The following DNAL4 variants were observed in gnomAD, a reference collection of about 807,000 sequenced individuals.
DNAL4 encodes dynein light chain, outer arm 4.
A neutral mutation model predicts 12.6 loss-of-function variants in DNAL4; 10 were observed. That is an observed-to-expected ratio of 0.79 (90% CI 0.49 to 1.34). The LOEUF is 1.34. Among genes scored for constraint, DNAL4 ranks in the 40% most tolerant of loss-of-function variants. The probability of loss-of-function intolerance (pLI) is 0.00; values close to 1 mark genes in which losing one functional copy is unlikely to be tolerated. For synonymous variants in DNAL4, 46 were observed against 53.1 expected (o/e 0.87, Z 0.58); for missense variants, 128 against 138.1 (o/e 0.93, Z 0.37).
At chr22:38,788,387 G>C (rs1030084958) in intron 1 of DNAL4, among the ~76,000 whole-genome samples, 1 of 152,140 alleles carries the variant, frequency 6.6e-6, no homozygotes, top group East Asian at 1.9e-4. Context: ...TCAAACACAC[G>C]AAGTTGTTTT....
chr22:38,790,456 C>T (rs937133626), intron 1 of DNAL4, among the ~76,000 whole-genome samples: 8 of 152,156 alleles, frequency 5.3e-5, no homozygotes, highest in Non-Finnish European at 1.2e-4. Context: ...GGTGATGCCA[C>T]TGATGGGGAG....
chr22:38,791,978 T>TACA (rs1386078790), intron 1 of DNAL4, among the ~76,000 whole-genome samples: 1 of 152,134 alleles, frequency 6.6e-6, no homozygotes, highest in Non-Finnish European at 1.5e-5. Context: ...GTGCTGGCAT[T>TACA]ACAGGTGTGA....
chr22:38,783,728 C>T (rs1184719624), intron 1 of DNAL4, among the ~76,000 whole-genome samples: 1 of 152,210 alleles, frequency 6.6e-6, no homozygotes, highest in Non-Finnish European at 1.5e-5. Context: ...GACTCCTCAC[C>T]AGTAATGTGG....
At chr22:38,781,449 G>A (rs1187929830) in intron 2 of DNAL4, among the ~76,000 whole-genome samples, 1 of 152,038 alleles carries the variant, frequency 6.6e-6, no homozygotes, top group East Asian at 1.9e-4. Flanking sequence ...CCCAGCTCCT[G>A]GAGGGCCCTG....
rs1452876897 is a variant in DNAL4 at position 38,779,174 on chromosome 22, C to T, written c.*275G>A. 3.1e-6 allele frequency: 1 copy of T among 322,484 alleles called. No individual in the cohort carries two copies. The highest frequency in any genetic ancestry group is 2.1e-5 in the African/African-American group (1 of 47,620). The allele number at this position is 322,484 out of a possible 1,614,324, so 20.0% of individuals were successfully genotyped here. On this transcript the variant is annotated 3_prime_UTR_variant, in exon 4 of 4. Transcript: ENST00000216068. This position sits in a 1 kb window ranked among gnomAD's most constrained non-coding sequence, Gnocchi z 4.3. Reference sequence around the variant, plus strand: ...TGCGGAAGATCTCATCTCCCACCTCCTCTACCCTGTCACACCGCCCCACCC... The same window carrying T: ...TGCGGAAGATCTCATCTCCCACCTCTTCTACCCTGTCACACCGCCCCACCC...
intron 1 of DNAL4, among the ~76,000 whole-genome samples, chr22:38,784,009 A>G (rs979691036): frequency 1.3e-5 from 2 of 152,096 alleles, no homozygotes; most frequent in African/African-American, 4.8e-5. Flanking sequence ...AAGCGGATAC[A>G]AATCACCAGG....
At chr22:38,793,038 C>G (rs1015568160) in intron 1 of DNAL4, among the ~76,000 whole-genome samples, 1 of 152,168 alleles carries the variant, frequency 6.6e-6, no homozygotes, top group African/African-American at 2.4e-5. Flanking sequence ...TTTGACATTA[C>G]GATAGCTATG....
In DNAL4 at chr22:38,794,055, C is replaced by T. The variant is rs2093054968; in HGVS notation, c.-140+13G>A. 6.6e-6 allele frequency: 1 copy of T among 152,272 alleles called. No individual in the cohort carries two copies. The highest frequency in any genetic ancestry group is 2.1e-4 in the South Asian group (1 of 4,842). 9.4% of individuals were successfully genotyped at this position (152,272 alleles called of 1,614,324 possible). On this transcript the variant is annotated intron_variant, in intron 1 of 3. Transcript: ENST00000216068. ...CTCCCCGCCTGGCTGCCCGCCGCGC[C>T]CCGGGGCCTCACCTGCTCCTGCGGG...
Position 38,784,985 on chromosome 22 carries a change from C to A in DNAL4, c.-139-2115G>T, listed in dbSNP as rs376651547. On this transcript the variant is annotated intron_variant, in intron 1 of 3. Transcript: ENST00000216068. ...GGAAGCCTGGCACAGACCCCCCCCC[C>A]CATCCAATGACATTGGTATTTTCTG... Among the ~76,000 whole-genome samples the A allele has an allele frequency of 2.0e-5, 3 of 150,428 alleles. No homozygotes were observed. In the East Asian group the frequency reaches 5.9e-4, roughly 30 times the overall value.
At chr22:38,783,362 C>T (rs1185844109) in intron 1 of DNAL4, among the ~76,000 whole-genome samples, 6 of 150,720 alleles carry the variant, frequency 4.0e-5, no homozygotes, top group Middle Eastern at 3.5e-3. Context: ...ACTACATACG[C>T]GGGCCTTCCC....
At position 38,782,616 on chromosome 22, in the gene DNAL4, C is replaced by T; in HGVS notation, c.69+47G>A. The T allele has an allele frequency of 6.3e-7, 1 of 1,595,962 alleles. No homozygotes were observed. Among genetic ancestry groups the T allele is most frequent in the Non-Finnish European group, 8.6e-7 (1 of 1,166,466 alleles). On this transcript the variant is annotated intron_variant, in intron 2 of 3. Transcript: ENST00000216068. The surrounding 1 kb of genome is among the most constrained non-coding windows in gnomAD (Gnocchi z 5.1). The stretch of plus-strand genomic sequence containing the variant: ...CAAGCTCCACCCACCTCTCTCCAGG[C>T]TGTGTGGGCCCTGCCGGCAGTCCTG...
At chr22:38,791,501 G>A (rs1159705114) in intron 1 of DNAL4, among the ~76,000 whole-genome samples, 15 of 150,076 alleles carry the variant, frequency 1.0e-4, no homozygotes, top group Admixed American at 1.0e-3. Context: ...TTACAGGCAC[G>A]TGCCACCAAG....
In DNAL4 at chr22:38,779,597, A is replaced by G; in HGVS notation, c.170T>C (p.Ile57Thr). 1 of 1,598,992 alleles carries G rather than the reference A, an allele frequency of 6.3e-7. No homozygotes were observed. The highest frequency in any genetic ancestry group is 8.5e-7 in the Non-Finnish European group (1 of 1,171,934). Residue 57 changes from isoleucine (I) to threonine (T), a missense_variant, in exon 4 of 4, where the codon ATC (isoleucine) becomes ACC (threonine). Physicochemically the swap from Ile to Thr is moderately conservative, Grantham distance 89 (BLOSUM62 -1). Transcript: ENST00000216068. The surrounding 1 kb of genome is among the most constrained non-coding windows in gnomAD (Gnocchi z 4.3). ...GAACTTCTTGTCCATTGTCTCTTTGATCATCTTGGCGGCGCTCTGGAAGGA... is the reference window on the plus strand; with the variant it reads ...GAACTTCTTGTCCATTGTCTCTTTGGTCATCTTGGCGGCGCTCTGGAAGGA... ...SNNNESAAKM[I>T]KETMDKKFGS...
At chr22:38,793,548 GAAC>G (rs1237436721) in intron 1 of DNAL4, among the ~76,000 whole-genome samples, 2 of 152,162 alleles carry the variant, frequency 1.3e-5, no homozygotes, top group African/African-American at 4.8e-5. Flanking sequence ...TTGGGTCAAA[GAAC>G]AACGACATCC....
At chr22:38,793,755 A>G (rs1036191765) in intron 1 of DNAL4, among the ~76,000 whole-genome samples, 15 of 152,028 alleles carry the variant, frequency 9.9e-5, no homozygotes, top group African/African-American at 3.4e-4. Flanking sequence ...CGAAAGGTCG[A>G]GGGATCAAGG....
At chr22:38,784,977 C>G (rs1034386882) in intron 1 of DNAL4, among the ~76,000 whole-genome samples, 1 of 111,944 alleles carries the variant, frequency 8.9e-6, no homozygotes, top group Non-Finnish European at 1.7e-5. Flanking sequence ...TGGCACAGAC[C>G]CCCCCCCCCA....
intron 1 of DNAL4, among the ~76,000 whole-genome samples, chr22:38,786,969 G>A (rs2093043168): frequency 6.6e-6 from 1 of 152,214 alleles, no homozygotes; most frequent in African/African-American, 2.4e-5. Flanking sequence ...AAAAATGAAT[G>A]CGTTCTGGGA....
At position 38,786,455 on chromosome 22, in the gene DNAL4, A is replaced by G. The variant is rs1235141670; in HGVS notation, c.-139-3585T>C. Among the ~76,000 whole-genome samples the G allele has an allele frequency of 2.0e-5, 3 of 152,220 alleles. No homozygotes were observed. The South Asian group carries it at 6.2e-4, about 32-fold the overall frequency. ...ATGCCTGTAATCCCAGCTACTGGGG[A>G]GGCTGAGGCAGGAGAATGGCTTGAA... On this transcript the variant is annotated intron_variant, in intron 1 of 3. Transcript: ENST00000216068.
At chr22:38,793,462 A>T (rs564728899) in intron 1 of DNAL4, among the ~76,000 whole-genome samples, 1 of 152,326 alleles carries the variant, frequency 6.6e-6, no homozygotes, top group African/African-American at 2.4e-5. Flanking sequence ...CTGGGAATCC[A>T]AATTAGGTTT....
Sources: allele counts gnomAD v4.1 joint callset (sites outside exome capture counted in the v4.1 genomes callset), GRCh38; gene constraint gnomAD v4.1.1; non-coding constraint Gnocchi (gnomAD v3.1); transcripts MANE v1.5; gene names NCBI Gene and HGNC (gene_info 2026-07-23, HGNC 2026-07-21).